Variants in MAP4K4 observed in about 807,000 individuals in gnomAD.
MAP4K4 encodes mitogen-activated protein kinase kinase kinase kinase 4, also known as HPK/GCK-like kinase HGK.
A neutral mutation model predicts 189.6 loss-of-function variants in MAP4K4; 38 were observed. The ratio of observed to expected loss-of-function variants is 0.20; its 90% CI spans 0.15 to 0.26. The LOEUF is 0.26. Ranked by LOEUF, MAP4K4 falls within the 10% of genes least tolerant of loss-of-function variation. MAP4K4 has a pLI of 1.00. For missense variants in MAP4K4, 1,054 were observed against 1,726.9 expected, an observed-to-expected ratio of 0.61 and a Z score of 6.91; for synonymous variants, 610 against 624.3, an observed-to-expected ratio of 0.98 and a Z score of 0.34.
At chr2:101,834,277 G>T in intron 7 of MAP4K4, 132 bp from the exon 8 acceptor site, 1 of 465,946 alleles carries the variant, frequency 2.1e-6, no homozygotes, top group Non-Finnish European at 4.3e-6. Flanking sequence ...TTCTACAAAT[G>T]TGCTTGTACT....
chr2:101,704,548 T>C (rs1286953426), intron 2 of MAP4K4, among the ~76,000 whole-genome samples: 4 of 66,296 alleles, frequency 6.0e-5, no homozygotes, highest in African/African-American at 3.0e-4. Context: ...TGTGTATATA[T>C]ATATATATAT....
At chr2:101,771,337 T>G (rs1237599602) in intron 2 of MAP4K4, among the ~76,000 whole-genome samples, 2 of 152,114 alleles carry the variant, frequency 1.3e-5, no homozygotes, top group Non-Finnish European at 2.9e-5. Context: ...CAGGGAGAAA[T>G]TTGCTTAGAC....
intron 2 of MAP4K4, among the ~76,000 whole-genome samples, chr2:101,764,332 A>AT (rs1275856583): frequency 6.6e-6 from 1 of 152,220 alleles, no homozygotes; most frequent in Non-Finnish European, 1.5e-5. Flanking sequence ...TAGAAAGGCC[A>AT]TTATACTGAG....
intron 3 of MAP4K4, among the ~76,000 whole-genome samples, chr2:101,805,516 T>C (rs6732726): frequency 0.29 from 42,897 of 150,424 alleles, 6,809 homozygotes; most frequent in South Asian, 0.49. Flanking sequence ...GCCGTTGATA[T>C]AATACTGGTT....
Position 101,821,852 on chromosome 2 carries a change from T to G in MAP4K4, c.181-2076T>G, listed in dbSNP as rs1216377613. 3.9e-5 allele frequency among the ~76,000 whole-genome samples: 6 copies of G among 152,250 alleles called. No homozygotes were observed. The East Asian group carries it at 1.2e-3, about 29-fold the overall frequency. On this transcript the variant is annotated intron_variant, in intron 3 of 32. Transcript: ENST00000324219. ...AAAAAACTGCATAGCTGTACTAAAA[T>G]ATTTTCTTTTTAAATATCTTTGTAA... is the stretch of plus-strand genomic sequence containing the variant.
chr2:101,856,181 T>A, intron 13 of MAP4K4, 43 bp downstream of exon 13: 1 of 1,535,292 alleles, frequency 6.5e-7, no homozygotes, highest in Non-Finnish European at 8.8e-7. Context: ...TTGTGAAGTT[T>A]GTTACTTTGC....
At chr2:101,847,559 CA>C (rs1306689988) in intron 12 of MAP4K4, among the ~76,000 whole-genome samples, 2 of 152,008 alleles carry the variant, frequency 1.3e-5, no homozygotes, top group African/African-American at 4.8e-5. Flanking sequence ...CACTTTTTAA[CA>C]AAAACATTTT....
chr2:101,812,203 A>G (rs1157911346), intron 3 of MAP4K4, among the ~76,000 whole-genome samples: 1 of 152,120 alleles, frequency 6.6e-6, no homozygotes, highest in Admixed American at 6.5e-5. Context: ...TGAGAGTTCT[A>G]GTTTTAAAAC....
exon 33 of MAP4K4, chr2:101,892,842 G>A (rs888009220): frequency 2.0e-5 from 9 of 454,742 alleles, no homozygotes; most frequent in African/African-American, 8.0e-5. Context: ...TCAAGCTCCC[G>A]TAAGGATATT....
At chr2:101,883,269 G>GT (rs1445643098) in intron 28 of MAP4K4, among the ~76,000 whole-genome samples, 6 of 152,154 alleles carry the variant, frequency 3.9e-5, no homozygotes, top group African/African-American at 2.4e-5. Flanking sequence ...CAATTGTATT[G>GT]TTTTTTCTCC....
At chr2:101,780,627 C>A (rs1022244518) in intron 2 of MAP4K4, among the ~76,000 whole-genome samples, 14 of 152,198 alleles carry the variant, frequency 9.2e-5, no homozygotes, top group African/African-American at 3.4e-4. Context: ...GCTACATCTG[C>A]CCTAGCTTTA....
intron 2 of MAP4K4, among the ~76,000 whole-genome samples, chr2:101,735,039 G>A (rs1374762528): frequency 1.3e-5 from 2 of 150,106 alleles, no homozygotes; most frequent in Admixed American, 6.6e-5. Flanking sequence ...GTACTACCTC[G>A]CCTCTCACTG....
At chr2:101,716,708 T>C (rs918073860) in intron 2 of MAP4K4, among the ~76,000 whole-genome samples, 11 of 152,098 alleles carry the variant, frequency 7.2e-5, no homozygotes, top group Admixed American at 3.3e-4. Flanking sequence ...GCATACTCAG[T>C]GTGGTAGTGT....
chr2:101,721,610 A>AT (rs1394739257), intron 2 of MAP4K4, among the ~76,000 whole-genome samples: 1 of 151,738 alleles, frequency 6.6e-6, no homozygotes, highest in African/African-American at 2.4e-5. Context: ...TAATTTTTGT[A>AT]TTTTTAGTAG....
intron 2 of MAP4K4, among the ~76,000 whole-genome samples, chr2:101,748,775 A>C (rs1264598439): frequency 6.6e-6 from 1 of 151,810 alleles, no homozygotes; most frequent in African/African-American, 2.4e-5. Flanking sequence ...GTCTCAGCCC[A>C]AAATCTCCTT....
intron 9 of MAP4K4, 114 bp downstream of exon 9, chr2:101,836,092 G>C: frequency 1.4e-6 from 1 of 702,688 alleles, no homozygotes; most frequent in Admixed American, 2.7e-5. Context: ...GGGAACCCAA[G>C]AGCCAGTTCT....
At chr2:101,752,802 G>A (rs180887194) in intron 2 of MAP4K4, among the ~76,000 whole-genome samples, 1 of 152,262 alleles carries the variant, frequency 6.6e-6, no homozygotes, top group Non-Finnish European at 1.5e-5. Context: ...TACTGGCCGT[G>A]TCCACATTCC....
chr2:101,892,399 T>C (rs2098583279), exon 33 of MAP4K4: 1 of 156,864 alleles, frequency 6.4e-6, no homozygotes, highest in South Asian at 1.9e-4. Context: ...GCAGTTTACT[T>C]ACAAGTTTAG....
chr2:101,860,661 G>C (rs1041736634), intron 15 of MAP4K4, 164 bp from the exon 16 acceptor site: 6 of 589,688 alleles, frequency 1.0e-5, no homozygotes, highest in African/African-American at 1.9e-5. Context: ...TCTAATCCTA[G>C]CACTGCTTTA....
Sources: allele counts gnomAD v4.1 joint callset (sites outside exome capture counted in the v4.1 genomes callset), GRCh38; gene constraint gnomAD v4.1.1; transcripts MANE v1.5; gene names NCBI Gene and HGNC (gene_info 2026-07-23, HGNC 2026-07-21).